Variants in FABP12 observed in about 807,000 individuals in gnomAD.
The protein encoded by FABP12 is fatty acid-binding protein 12.
A neutral mutation model predicts 13.7 loss-of-function variants in FABP12; 19 were observed. The ratio of observed to expected loss-of-function variants is 1.39; its 90% confidence interval spans 0.97 to 2.04. The LOEUF is 2.04. Ranked by LOEUF, FABP12 falls within the 30% of genes most tolerant of loss-of-function variation. FABP12 has a pLI of 0.00. For missense variants in FABP12, 182 were observed against 164.2 expected (o/e 1.11, Z -0.59); for synonymous variants, 61 against 57.0 (o/e 1.07, Z -0.32).
intron 1 of FABP12, among the ~76,000 whole-genome samples, chr8:81,541,719 G>T (rs999751289): frequency 6.6e-6 from 1 of 151,890 alleles, no homozygotes; most frequent in African/African-American, 2.4e-5. Context: ...CTGCCTTCTA[G>T]AAGTCTCCAT....
rs547647888 is a variant in FABP12 at position 81,570,807 on chromosome 8, G to A, written c.-185+19246C>T. Among the ~76,000 whole-genome samples, 145 of 152,236 alleles carry A rather than the reference G, an allele frequency of 9.5e-4. 2 individuals are homozygous for A. The highest frequency in any genetic ancestry group is 3.4e-3 in the African/African-American group (142 of 41,546). Reference sequence around the variant, plus strand: ...TATTGCCTTAAAGGGGAGGAAGTGCGCACCAATTGGTTTATGAGTGGCCAT... The same window carrying A: ...TATTGCCTTAAAGGGGAGGAAGTGCACACCAATTGGTTTATGAGTGGCCAT... On this transcript the variant is annotated intron_variant, in intron 1 of 5. Coordinates refer to the FABP12 transcript ENST00000692030.
At chr8:81,562,689 C>A (rs532003629) in intron 1 of FABP12, among the ~76,000 whole-genome samples, 1 of 152,242 alleles carries the variant, frequency 6.6e-6, no homozygotes, top group South Asian at 2.1e-4. Flanking sequence ...GACTCCCCTG[C>A]TTGTGGAAAG....
intron 1 of FABP12, among the ~76,000 whole-genome samples, chr8:81,570,448 A>G (rs1416149452): frequency 6.6e-6 from 1 of 152,196 alleles, no homozygotes; most frequent in Non-Finnish European, 1.5e-5. Flanking sequence ...CTGAGTAATA[A>G]AACAGTTCAG....
At chr8:81,583,928 T>C (rs1189508038) in intron 1 of FABP12, among the ~76,000 whole-genome samples, 1 of 152,164 alleles carries the variant, frequency 6.6e-6, no homozygotes, top group East Asian at 1.9e-4. Flanking sequence ...TGAATGTAGA[T>C]GCAAAAATCC....
intron 1 of FABP12, among the ~76,000 whole-genome samples, chr8:81,581,607 C>A (rs532463552): frequency 5.3e-5 from 8 of 152,200 alleles, no homozygotes; most frequent in African/African-American, 1.9e-4. Flanking sequence ...TATAAAAGAA[C>A]CCCCATCAGA....
intron 1 of FABP12, among the ~76,000 whole-genome samples, chr8:81,577,793 C>T (rs1810078036): frequency 6.6e-6 from 1 of 152,100 alleles, no homozygotes; most frequent in Non-Finnish European, 1.5e-5. Flanking sequence ...TGAGGTCTTT[C>T]AGGGACACAA....
chr8:81,538,324 CTG>C (rs1809272581), upstream of FABP12, among the ~76,000 whole-genome samples: 1 of 152,202 alleles, frequency 6.6e-6, no homozygotes, highest in African/African-American at 2.4e-5. Context: ...ATGTCTGAAA[CTG>C]TAGTGGGTTG....
intron 1 of FABP12, among the ~76,000 whole-genome samples, chr8:81,577,193 T>A (rs1011148369): frequency 2.0e-5 from 3 of 152,214 alleles, no homozygotes; most frequent in South Asian, 2.1e-4. Flanking sequence ...TTTGCATGCA[T>A]CTTTACAAGT....
intron 1 of FABP12, among the ~76,000 whole-genome samples, chr8:81,586,184 T>C (rs57228086): frequency 0.053 from 8,107 of 152,290 alleles, 573 homozygotes; most frequent in East Asian, 0.39. Context: ...CCATTCTTTT[T>C]ATAGCTGTGT....
chr8:81,585,909 T>TG (rs1166471074), intron 1 of FABP12, among the ~76,000 whole-genome samples: 2 of 152,186 alleles, frequency 1.3e-5, no homozygotes, highest in Non-Finnish European at 2.9e-5. Flanking sequence ...TTACATGTTG[T>TG]GGGTGTTTGG....
intron 1 of FABP12, among the ~76,000 whole-genome samples, chr8:81,544,949 G>C (rs1465980153): frequency 6.6e-6 from 1 of 152,198 alleles, no homozygotes; most frequent in Non-Finnish European, 1.5e-5. Flanking sequence ...TGTAATTCCA[G>C]GAAGAGATTT....
intron 2 of FABP12, 41 bp from the exon 3 acceptor site, chr8:81,529,651 G>A: frequency 1.9e-6 from 3 of 1,539,306 alleles, no homozygotes; most frequent in Non-Finnish European, 2.7e-6. Context: ...TTTGCATAAA[G>A]AATTACAAAT....
rs533484029 is a variant in FABP12 at position 81,558,055 on chromosome 8, C to A, written c.-184-18312G>T. ...CTGGAGCACAGCAGAGCCAGATTGC[C>A]CAAGTTTCCCTCTAGGCCAAACAGA... On this transcript the variant is annotated intron_variant, in intron 1 of 5. Transcript: ENST00000692030. 1.1e-4 allele frequency among the ~76,000 whole-genome samples: 16 copies of A among 152,270 alleles called. No homozygotes were observed. The South Asian group carries it at 3.3e-3, about 32-fold the overall frequency.
At chr8:81,551,769 C>G (rs1809527071) in intron 1 of FABP12, among the ~76,000 whole-genome samples, 1 of 152,018 alleles carries the variant, frequency 6.6e-6, no homozygotes, top group South Asian at 2.1e-4. Context: ...TAAGGCTAGA[C>G]AGTGATGTGT....
intron 1 of FABP12, among the ~76,000 whole-genome samples, chr8:81,571,015 G>A (rs190541445): frequency 2.6e-4 from 39 of 152,014 alleles, no homozygotes; most frequent in East Asian, 2.2e-3. Context: ...AGCTCCAAGA[G>A]GCACCTGCAG....
chr8:81,558,234 C>T (rs1033880743), intron 1 of FABP12, among the ~76,000 whole-genome samples: 1 of 152,194 alleles, frequency 6.6e-6, no homozygotes, highest in South Asian at 2.1e-4. Context: ...TCCTCCCAGT[C>T]CTCCTCACAT....
At chr8:81,549,081 ACTG>A (rs1367961491) in intron 1 of FABP12, among the ~76,000 whole-genome samples, 1 of 152,092 alleles carries the variant, frequency 6.6e-6, no homozygotes, top group Non-Finnish European at 1.5e-5. Flanking sequence ...TTGTCAGCAA[ACTG>A]CCTGTAGGAC....
intron 3 of FABP12, among the ~76,000 whole-genome samples, chr8:81,528,079 G>T (rs185490825): frequency 0.011 from 1,743 of 151,912 alleles, 17 homozygotes; most frequent in South Asian, 0.042. Context: ...AGTTTTTTTT[G>T]TTGTTGTTGT....
At chr8:81,583,841 T>G (rs1810204225) in intron 1 of FABP12, among the ~76,000 whole-genome samples, 1 of 152,174 alleles carries the variant, frequency 6.6e-6, no homozygotes, top group Non-Finnish European at 1.5e-5. Context: ...ACTCATTATA[T>G]AAGGCCAGCA....
Sources: gnomAD v4.1 joint callset for allele counts (sites outside exome capture counted in the v4.1 genomes callset) on GRCh38, gnomAD v4.1.1 for gene constraint, MANE v1.5 for transcripts, NCBI Gene and HGNC (gene_info 2026-07-23, HGNC 2026-07-21) for gene names.